AMOTL1: variants seen among roughly 807,000 people sequenced by gnomAD.
The protein encoded by AMOTL1 is angiomotin-like protein 1.
A neutral mutation model predicts 102.9 loss-of-function variants in AMOTL1; 45 were observed. That is an observed-to-expected ratio of 0.44 (90% CI 0.34 to 0.56). The LOEUF (loss-of-function observed/expected upper bound fraction) is 0.56, where lower values mean the gene tolerates loss of function less well. Among genes scored for constraint, AMOTL1 ranks in the 20% least tolerant of loss-of-function variants. The pLI, the probability that AMOTL1 is intolerant of heterozygous loss-of-function variation, is 0.01. For missense variants in AMOTL1, 1,114 were observed against 1,225.6 expected, an observed-to-expected ratio of 0.91 and a Z score of 1.36; for synonymous variants, 481 against 484.7, an observed-to-expected ratio of 0.99 and a Z score of 0.10.
At chr11:94,722,205 T>C (rs1950185093) in intron 1 of AMOTL1, among the ~76,000 whole-genome samples, 2 of 152,136 alleles carry the variant, frequency 1.3e-5, no homozygotes, top group Admixed American at 1.3e-4. Context: ...CACATATCAA[T>C]GGATTCTTGT....
intron 3 of AMOTL1, among the ~76,000 whole-genome samples, chr11:94,761,386 A>G (rs1179213861): frequency 6.6e-6 from 1 of 151,690 alleles, no homozygotes; most frequent in Non-Finnish European, 1.5e-5. Flanking sequence ...ACAGGGTTTC[A>G]CCATGTTGGC....
Position 94,799,745 on chromosome 11 carries a change from C to T in AMOTL1, c.555C>T (p.Asn185=), listed in dbSNP as rs560950216. ...GGTCCACGCAGCCTCAGCAGAACAA[C>T]GAGGAACTGCCCACTTACGAGGAGG... The part of the protein sequence containing the change: ...QVRSTQPQQN[N]EELPTYEEAK... Residue 185 remains asparagine, a synonymous_variant, in exon 3 of 13, where the codon AAC becomes AAT. Transcript: ENST00000433060. The surrounding 1 kb of genome is among the most constrained non-coding windows in gnomAD (Gnocchi z 4.5). 147 of 1,611,658 alleles carry T rather than the reference C, an allele frequency of 9.1e-5. 1 individual carries two copies. In the East Asian group the frequency reaches 2.3e-3, roughly 25 times the overall value.
chr11:94,866,339 G>T, intron 11 of AMOTL1, 171 bp downstream of exon 11: 1 of 666,912 alleles, frequency 1.5e-6, no homozygotes, highest in Non-Finnish European at 2.5e-6. Flanking sequence ...TGGAAGCATT[G>T]TGTAAATTCT....
chr11:94,840,681 TACACACACACACACACACACAC>T (rs111907230), intron 6 of AMOTL1, among the ~76,000 whole-genome samples: 1 of 104,808 alleles, frequency 9.5e-6, no homozygotes, highest in African/African-American at 4.0e-5. Flanking sequence ...TATATATATA[TACACACACACACACACACACAC>T]ACACATATAT....
At chr11:94,856,123 C>T (rs780242429) in intron 8 of AMOTL1, among the ~76,000 whole-genome samples, 2 of 152,110 alleles carry the variant, frequency 1.3e-5, no homozygotes, top group Non-Finnish European at 2.9e-5. Context: ...GAAATACATT[C>T]AGGGATTATG....
Position 94,874,326 on chromosome 11 carries a change from G to A in AMOTL1, c.*3531G>A, listed in dbSNP as rs1452699195. The A allele has an allele frequency of 3.9e-5, 6 of 152,230 alleles. No homozygotes were observed. The highest frequency in any genetic ancestry group is 5.9e-5 in the Non-Finnish European group (4 of 68,056). 9.4% of individuals were successfully genotyped at this position (152,230 alleles called of 1,614,324 possible). ...TTCTCAGCATTTTCTCTGCCTCCCAGAGGCTGGCAGCCAGTGACACTGCAG... is the reference window on the plus strand; with the variant it reads ...TTCTCAGCATTTTCTCTGCCTCCCAAAGGCTGGCAGCCAGTGACACTGCAG... On this transcript the variant is annotated 3_prime_UTR_variant, in exon 13 of 13. Coordinates refer to ENST00000433060, the MANE Select transcript of AMOTL1 (RefSeq NM_130847.3).
chr11:94,770,764 T>G (rs1950937316), intron 1 of AMOTL1, among the ~76,000 whole-genome samples: 2 of 152,184 alleles, frequency 1.3e-5, no homozygotes, highest in Non-Finnish European at 2.9e-5. Flanking sequence ...TAAATGAGAT[T>G]TTAAAGTGCT....
At chr11:94,707,370 T>C (rs1244486795) in intron 1 of AMOTL1, among the ~76,000 whole-genome samples, 1 of 151,886 alleles carries the variant, frequency 6.6e-6, no homozygotes, top group Non-Finnish European at 1.5e-5. Context: ...ACTGATTGAA[T>C]CATACAACTC....
At chr11:94,732,933 G>C (rs1050898972) in intron 2 of AMOTL1, among the ~76,000 whole-genome samples, 2 of 152,168 alleles carry the variant, frequency 1.3e-5, no homozygotes, top group Admixed American at 6.5e-5. Context: ...AGCCTCTCAG[G>C]GTCAGGGAGA....
At chr11:94,762,970 C>G (rs1950812634) in intron 3 of AMOTL1, among the ~76,000 whole-genome samples, 1 of 152,184 alleles carries the variant, frequency 6.6e-6, no homozygotes, top group Admixed American at 6.5e-5. Context: ...AGCATGGTAG[C>G]ACAGAGCCTG....
exon 1 of AMOTL1, chr11:94,706,462 T>C (rs1949931411): frequency 6.6e-6 from 1 of 152,258 alleles, no homozygotes; most frequent in Admixed American, 6.5e-5. Flanking sequence ...CACTCGTTGC[T>C]CTTTTTAAAC....
chr11:94,739,086 G>A (rs146547459), intron 2 of AMOTL1, among the ~76,000 whole-genome samples: 8 of 152,304 alleles, frequency 5.3e-5, no homozygotes, highest in Non-Finnish European at 7.4e-5. Context: ...AACAACCAGA[G>A]GATCCATAGA....
intron 2 of AMOTL1, among the ~76,000 whole-genome samples, chr11:94,739,646 A>C (rs970797972): frequency 1.3e-5 from 2 of 151,992 alleles, no homozygotes; most frequent in African/African-American, 2.4e-5. Flanking sequence ...CAGACTGTTG[A>C]CCCTCCAATA....
chr11:94,773,775 C>T (rs1173069424), intron 1 of AMOTL1, among the ~76,000 whole-genome samples: 1 of 152,150 alleles, frequency 6.6e-6, no homozygotes, highest in Non-Finnish European at 1.5e-5. Flanking sequence ...CCTTTTTGAA[C>T]AGTACATGGC....
At chr11:94,832,321 T>C (rs1262601918) in intron 6 of AMOTL1, among the ~76,000 whole-genome samples, 1 of 152,190 alleles carries the variant, frequency 6.6e-6, no homozygotes, top group Non-Finnish European at 1.5e-5. Context: ...CAAAAAGTAA[T>C]GTATTCAGGC....
chr11:94,804,440 A>G (rs1331271153), intron 3 of AMOTL1, among the ~76,000 whole-genome samples: 1 of 152,128 alleles, frequency 6.6e-6, no homozygotes, highest in African/African-American at 2.4e-5. Context: ...GGCATGTGCC[A>G]CCGTGCCCAA....
chr11:94,821,684 C>G lies in AMOTL1; in HGVS notation c.1276C>G (p.Pro426Ala). The G allele has an allele frequency of 6.2e-7, 1 of 1,614,064 alleles. No individual in the cohort carries two copies. The highest frequency in any genetic ancestry group is 2.2e-5 in the East Asian group (1 of 44,890). The change falls in exon 4 of 13, where the codon CCC becomes GCC. Residue 426 changes from proline (P) to alanine (A), a missense_variant. Physicochemically the swap from Pro to Ala is conservative, Grantham distance 27. Coordinates refer to ENST00000433060, the MANE Select transcript of AMOTL1 (RefSeq NM_130847.3). ...TCCACAGCCCCCGCCTGCCGCCTCCCCCAGCCAGCAGCTTGGTCCAGATGC... is the reference window on the plus strand; with the variant it reads ...TCCACAGCCCCCGCCTGCCGCCTCCGCCAGCCAGCAGCTTGGTCCAGATGC... ...GAPQPPPAAS[P>A]SQQLGPDAFA... is the part of the protein sequence containing the mutation.
At chr11:94,768,271 G>T (rs1670806222), upstream of AMOTL1, 1 of 1,231,696 alleles carries the variant, frequency 8.1e-7, no homozygotes, top group Non-Finnish European at 1.0e-6. Context: ...GCCACGGCGG[G>T]GGTGGAGTGT....
At chr11:94,787,687 C>CAAAAA (rs59563004) in intron 1 of AMOTL1, among the ~76,000 whole-genome samples, 3 of 57,528 alleles carry the variant, frequency 5.2e-5, no homozygotes, top group African/African-American at 1.6e-4. Context: ...AACTCCGTCT[C>CAAAAA]AAAAAAAAAA....
Sources: gnomAD v4.1 joint callset for allele counts (sites outside exome capture counted in the v4.1 genomes callset) on GRCh38, gnomAD v4.1.1 for gene constraint, Gnocchi (gnomAD v3.1) non-coding constraint, MANE v1.5 for transcripts, NCBI Gene and HGNC (gene_info 2026-07-23, HGNC 2026-07-21) for gene names.